The following DTNBP1 variants were observed in gnomAD, a reference collection of about 807,000 sequenced individuals.
DTNBP1 encodes the protein dystrobrevin binding protein 1.
In DTNBP1, 35 loss-of-function variants were observed where a neutral mutation model predicts 42.8. The ratio of observed to expected loss-of-function variants is 0.82; its 90% CI spans 0.63 to 1.09. DTNBP1 has a LOEUF of 1.09. Among genes scored for constraint, DTNBP1 ranks in the 50% least tolerant of loss-of-function variants. The pLI is 0.00. For missense variants in DTNBP1, 457 were observed against 424.2 expected, an observed-to-expected ratio of 1.08 and a Z score of -0.68; for synonymous variants, 171 against 162.2, an observed-to-expected ratio of 1.05 and a Z score of -0.41.
chr6:15,554,747 A>C (rs183591796), intron 7 of DTNBP1, among the ~76,000 whole-genome samples: 1 of 150,784 alleles, frequency 6.6e-6, no homozygotes, highest in Non-Finnish European at 1.5e-5. Flanking sequence ...CATGGGACTG[A>C]TGTACAAAAA....
At chr6:15,563,540 G>T (rs1400611425) in intron 7 of DTNBP1, among the ~76,000 whole-genome samples, 1 of 152,150 alleles carries the variant, frequency 6.6e-6, no homozygotes, top group Non-Finnish European at 1.5e-5. Context: ...TGTTCCTATA[G>T]ACAGGATCTC....
rs149880436 is a variant in DTNBP1 at position 15,606,097 on chromosome 6, G to A, written c.488+9170C>T. 2.0e-3 allele frequency among the ~76,000 whole-genome samples: 298 copies of A among 152,278 alleles called. 4 individuals are homozygous for A. In the Middle Eastern group the frequency reaches 0.024, roughly 12 times the overall value. On this transcript the variant is annotated intron_variant, in intron 6 of 9. Transcript: ENST00000344537. ...CTGCACAAATGAAGTGGATTAAACCGTCTATTCAAATGTTTCTCAAGGGTA... is the reference window on the plus strand; with the variant it reads ...CTGCACAAATGAAGTGGATTAAACCATCTATTCAAATGTTTCTCAAGGGTA...
intron 7 of DTNBP1, among the ~76,000 whole-genome samples, chr6:15,542,995 C>T (rs540305605): frequency 4.6e-5 from 7 of 152,208 alleles, no homozygotes; most frequent in Admixed American, 6.5e-5. Flanking sequence ...ACACCGTGCC[C>T]GGCCTATCTG....
At chr6:15,603,986 C>T (rs1776830191) in intron 6 of DTNBP1, among the ~76,000 whole-genome samples, 1 of 152,180 alleles carries the variant, frequency 6.6e-6, no homozygotes, top group African/African-American at 2.4e-5. Context: ...TAAACTCCAG[C>T]TGCCTTGATC....
At position 15,575,582 on chromosome 6, in the gene DTNBP1, C is replaced by G. The variant is rs79192871; in HGVS notation, c.511+17477G>C. 9.3e-3 allele frequency among the ~76,000 whole-genome samples: 1,413 copies of G among 152,304 alleles called. 35 individuals are homozygous for G. Among genetic ancestry groups the G allele is most frequent in the East Asian group, 0.081 (421 of 5,176 alleles). ...ACCCCTGGAAAAGAAGAAGTAGCTA[C>G]CAGAGCTGTGGGACCTGGAGGCCAA... On this transcript the variant is annotated intron_variant, in intron 7 of 9. Transcript: ENST00000344537.
chr6:15,621,951 TCTGA>T (rs1189095842), intron 5 of DTNBP1, among the ~76,000 whole-genome samples: 1 of 152,204 alleles, frequency 6.6e-6, no homozygotes, highest in East Asian at 1.9e-4. Flanking sequence ...GGACTCACAT[TCTGA>T]CTGATATCAT....
chr6:15,538,294 C>T (rs529879215), intron 7 of DTNBP1, among the ~76,000 whole-genome samples: 20 of 152,162 alleles, frequency 1.3e-4, no homozygotes, highest in African/African-American at 2.6e-4. Context: ...GAGGGGGCCA[C>T]GTGGAAAGGA....
At chr6:15,574,459 G>A (rs961729895) in intron 7 of DTNBP1, among the ~76,000 whole-genome samples, 3 of 152,202 alleles carry the variant, frequency 2.0e-5, no homozygotes, top group Admixed American at 6.5e-5. Flanking sequence ...ATCACACGAG[G>A]GAGCTGTCAA....
intron 5 of DTNBP1, among the ~76,000 whole-genome samples, chr6:15,620,732 G>A (rs896563297): frequency 6.6e-6 from 1 of 152,152 alleles, no homozygotes; most frequent in African/African-American, 2.4e-5. Flanking sequence ...AAGCTACTTG[G>A]TGCATTCAGT....
At chr6:15,656,124 T>A (rs774803666) in intron 1 of DTNBP1, among the ~76,000 whole-genome samples, 4 of 152,186 alleles carry the variant, frequency 2.6e-5, no homozygotes, top group Admixed American at 6.5e-5. Flanking sequence ...AAAGTTATAA[T>A]AAAGGTGATC....
At chr6:15,591,905 T>C (rs1581369131) in intron 7 of DTNBP1, among the ~76,000 whole-genome samples, 2 of 152,218 alleles carry the variant, frequency 1.3e-5, no homozygotes, top group African/African-American at 4.8e-5. Context: ...AAACCACTGA[T>C]TGAAAAAAGA....
intron 6 of DTNBP1, among the ~76,000 whole-genome samples, chr6:15,608,641 C>T (rs1758210109): frequency 6.6e-6 from 1 of 152,224 alleles, no homozygotes; most frequent in Non-Finnish European, 1.5e-5. Flanking sequence ...GCACATCCTC[C>T]AGGAGCTTCC....
intron 3 of DTNBP1, among the ~76,000 whole-genome samples, chr6:15,649,554 C>G (rs973489506): frequency 6.6e-6 from 1 of 152,020 alleles, no homozygotes; most frequent in African/African-American, 2.4e-5. Context: ...TTCCATTTTG[C>G]AAGATGAAAA....
chr6:15,539,443 G>A (rs1304163514), intron 7 of DTNBP1, among the ~76,000 whole-genome samples: 2 of 152,198 alleles, frequency 1.3e-5, no homozygotes, highest in African/African-American at 2.4e-5. Flanking sequence ...CTACCTCTAC[G>A]TTCAGCTGCA....
chr6:15,580,278 A>C (rs750259235), intron 7 of DTNBP1, among the ~76,000 whole-genome samples: 1 of 152,226 alleles, frequency 6.6e-6, no homozygotes, highest in Non-Finnish European at 1.5e-5. Context: ...AGTAAAGACA[A>C]GAAAAAAATA....
chr6:15,555,386 G>T (rs2113443096), intron 7 of DTNBP1, among the ~76,000 whole-genome samples: 1 of 152,106 alleles, frequency 6.6e-6, no homozygotes, highest in South Asian at 2.1e-4. Flanking sequence ...GCATTCCAAG[G>T]ATGGTTAGGC....
At chr6:15,625,585 C>T (rs1448922818) in intron 5 of DTNBP1, among the ~76,000 whole-genome samples, 1 of 152,090 alleles carries the variant, frequency 6.6e-6, no homozygotes, top group Non-Finnish European at 1.5e-5. Flanking sequence ...AACGAACATA[C>T]AATATATTCT....
At chr6:15,531,697 G>A (rs1252353469) in intron 8 of DTNBP1, among the ~76,000 whole-genome samples, 7 of 152,094 alleles carry the variant, frequency 4.6e-5, no homozygotes, top group African/African-American at 1.7e-4. Context: ...GCAGTGGCGC[G>A]ATCTCAGCTC....
chr6:15,590,974 C>A (rs1776274864), intron 7 of DTNBP1, among the ~76,000 whole-genome samples: 1 of 152,126 alleles, frequency 6.6e-6, no homozygotes, highest in Admixed American at 6.5e-5. Flanking sequence ...TATTTTCCTG[C>A]AACCTGAAAA....
Sources: allele counts gnomAD v4.1 joint callset (sites outside exome capture counted in the v4.1 genomes callset), GRCh38; gene constraint gnomAD v4.1.1; transcripts MANE v1.5; gene names NCBI Gene and HGNC (gene_info 2026-07-23, HGNC 2026-07-21).